Variants in TMEFF2 observed in about 807,000 individuals in gnomAD.
TMEFF2 encodes the protein tomoregulin-2.
TMEFF2 carries 28 observed loss-of-function variants against 53.8 expected under a neutral mutation model. The observed-to-expected ratio is 0.52, with a 90% CI of 0.39 to 0.71. The LOEUF (loss-of-function observed/expected upper bound fraction) is 0.71, where lower values mean the gene tolerates loss of function less well. Among genes scored for constraint, TMEFF2 ranks in the 30% least tolerant of loss-of-function variants. TMEFF2 has a pLI of 0.00. For synonymous variants in TMEFF2, 162 were observed against 166.3 expected (o/e 0.97, Z 0.20); for missense variants, 353 against 455.2 (o/e 0.78, Z 2.04).
intron 4 of TMEFF2, among the ~76,000 whole-genome samples, chr2:192,157,291 CTT>C (rs1296097497): frequency 6.6e-6 from 1 of 152,022 alleles, no homozygotes. Context: ...GATTTTGTCT[CTT>C]AGTAACCTGG....
intron 3 of TMEFF2, among the ~76,000 whole-genome samples, chr2:192,181,613 A>C (rs2356962): frequency 0.94 from 142,455 of 151,776 alleles, 67,218 homozygotes; most frequent in East Asian, 1. Flanking sequence ...AGTAGCATAT[A>C]TTAAATGCTT....
intron 4 of TMEFF2, among the ~76,000 whole-genome samples, chr2:192,134,170 C>T (rs1243257619): frequency 3.3e-5 from 5 of 152,236 alleles, no homozygotes; most frequent in Admixed American, 6.5e-5. Flanking sequence ...CTTCCTCACA[C>T]CTGACGCATA....
intron 9 of TMEFF2, among the ~76,000 whole-genome samples, chr2:191,953,079 T>C (rs1349177008): frequency 3.3e-5 from 5 of 152,260 alleles, no homozygotes; most frequent in Non-Finnish European, 5.9e-5. Flanking sequence ...AAGCAAGTAC[T>C]GGCCTCATTC....
At chr2:192,055,230 C>T (rs1687874139) in intron 5 of TMEFF2, among the ~76,000 whole-genome samples, 1 of 152,128 alleles carries the variant, frequency 6.6e-6, no homozygotes, top group Non-Finnish European at 1.5e-5. Context: ...AGCCCTAAAG[C>T]ATTTAGGAAG....
At position 192,037,633 on chromosome 2, in the gene TMEFF2, AAGAGAGAGAAAGAGAG is replaced by A. The variant is rs1227720847; in HGVS notation, c.536+20030_536+20045del. Reference sequence around the variant, plus strand: ...GAGAGAGAAAGAGAGAGAGGAGAGAAAGAGAGAGAAAGAGAGAGAGAGAGAGAGAGAGAGAGAGACC... The same window carrying A: ...GAGAGAGAAAGAGAGAGAGGAGAGAAAGAGAGAGAGAGAGAGAGAGAGACC... On this transcript the variant is annotated intron_variant, in intron 5 of 9. Transcript: ENST00000272771. Among the ~76,000 whole-genome samples the A allele has an allele frequency of 1.9e-3, 52 of 27,472 alleles. 1 individual carries two copies. The East Asian group carries it at 0.057, about 30-fold the overall frequency. The allele number at this position is 27,472 out of a possible 152,430, so 18.0% of individuals were successfully genotyped here. A position where few individuals can be genotyped will look rare whatever the true frequency, so the allele number is the denominator to read the frequency against.
At chr2:191,979,753 T>TA (rs145774456) in intron 7 of TMEFF2, among the ~76,000 whole-genome samples, 1,799 of 144,660 alleles carry the variant, frequency 0.012, 25 homozygotes, top group African/African-American at 0.027. Flanking sequence ...CCAGTAGAGA[T>TA]AAAAAAAAAA....
chr2:192,174,732 C>A (rs1690996944), intron 4 of TMEFF2, among the ~76,000 whole-genome samples: 1 of 151,682 alleles, frequency 6.6e-6, no homozygotes, highest in South Asian at 2.1e-4. Context: ...TTTATTAAAT[C>A]AGTATTTCAG....
chr2:192,030,032 G>A (rs150664943), intron 5 of TMEFF2, among the ~76,000 whole-genome samples: 9 of 152,264 alleles, frequency 5.9e-5, no homozygotes, highest in African/African-American at 1.9e-4. Flanking sequence ...TATCTTAGTC[G>A]CTGGACCACA....
At chr2:192,141,566 G>A (rs536350232) in intron 4 of TMEFF2, among the ~76,000 whole-genome samples, 1 of 151,974 alleles carries the variant, frequency 6.6e-6, no homozygotes, top group Non-Finnish European at 1.5e-5. Flanking sequence ...AGGTAGATGG[G>A]AACATTGTTA....
intron 4 of TMEFF2, among the ~76,000 whole-genome samples, chr2:192,077,389 C>G (rs776693614): frequency 1.3e-5 from 2 of 152,108 alleles, no homozygotes; most frequent in Non-Finnish European, 2.9e-5. Context: ...TAAAAAAACT[C>G]TGGTTTTCGA....
intron 4 of TMEFF2, among the ~76,000 whole-genome samples, chr2:192,088,359 C>T (rs1021336589): frequency 1.3e-5 from 2 of 151,994 alleles, no homozygotes; most frequent in South Asian, 2.1e-4. Flanking sequence ...TGACTATGTC[C>T]AATAGCTGGG....
At chr2:192,054,901 A>G (rs1433922819) in intron 5 of TMEFF2, among the ~76,000 whole-genome samples, 1 of 152,192 alleles carries the variant, frequency 6.6e-6, no homozygotes, top group Non-Finnish European at 1.5e-5. Flanking sequence ...GAGAAAAAAA[A>G]ACAGTATACA....
chr2:192,192,628 T>C (rs1016088333), intron 1 of TMEFF2, among the ~76,000 whole-genome samples: 1 of 152,202 alleles, frequency 6.6e-6, no homozygotes, highest in Non-Finnish European at 1.5e-5. Context: ...TTATTCTCTT[T>C]AGTTTATGCA....
intron 7 of TMEFF2, among the ~76,000 whole-genome samples, chr2:191,966,084 C>T (rs950636269): frequency 2.0e-5 from 3 of 152,002 alleles, no homozygotes; most frequent in Non-Finnish European, 2.9e-5. Flanking sequence ...GAATGTTTCC[C>T]TAGGTTTCTC....
At chr2:192,001,486 C>G (rs1686357733) in intron 5 of TMEFF2, among the ~76,000 whole-genome samples, 1 of 151,958 alleles carries the variant, frequency 6.6e-6, no homozygotes. Flanking sequence ...ATTGGCAGTT[C>G]AGAAACCCAT....
At chr2:192,116,160 AAAG>A (rs570874901) in intron 4 of TMEFF2, among the ~76,000 whole-genome samples, 246 of 152,150 alleles carry the variant, frequency 1.6e-3, no homozygotes, top group African/African-American at 5.8e-3. Context: ...TCAGACTTAA[AAAG>A]AAGAAAATCT....
At chr2:191,994,307 G>A (rs1467516174) in intron 7 of TMEFF2, among the ~76,000 whole-genome samples, 1 of 151,788 alleles carries the variant, frequency 6.6e-6, no homozygotes, top group East Asian at 1.9e-4. Context: ...GAAAACTGGT[G>A]TAGGATGTCA....
At chr2:191,964,255 T>TCCTC (rs1427058834) in intron 7 of TMEFF2, among the ~76,000 whole-genome samples, 5 of 69,260 alleles carry the variant, frequency 7.2e-5, no homozygotes, top group Non-Finnish European at 1.3e-4. Flanking sequence ...CTTCCTTCCT[T>TCCTC]CCTCCTTTCT....
intron 4 of TMEFF2, among the ~76,000 whole-genome samples, chr2:192,112,958 G>A (rs995988751): frequency 6.6e-6 from 1 of 152,152 alleles, no homozygotes; most frequent in Non-Finnish European, 1.5e-5. Flanking sequence ...GGAACTGTGA[G>A]TACATTAAAA....
Sources: allele counts gnomAD v4.1 joint callset (sites outside exome capture counted in the v4.1 genomes callset), GRCh38; gene constraint gnomAD v4.1.1; transcripts MANE v1.5; gene names NCBI Gene and HGNC (gene_info 2026-07-23, HGNC 2026-07-21).